The following PPIL2 variants were observed in gnomAD, a reference collection of about 807,000 sequenced individuals.
PPIL2 encodes RING-type E3 ubiquitin-protein ligase PPIL2.
A neutral mutation model predicts 75.2 loss-of-function variants in PPIL2; 50 were observed. The observed-to-expected ratio is 0.66, with a 90% CI of 0.53 to 0.84. The LOEUF is 0.84. Ranked by LOEUF, PPIL2 falls within the 40% of genes least tolerant of loss-of-function variation. The pLI is 0.00. For synonymous variants in PPIL2, 245 were observed against 258.8 expected (o/e 0.95, Z 0.51); for missense variants, 590 against 685.0 (o/e 0.86, Z 1.55).
At chr22:21,669,015 ATTT>A (rs71318713) in intron 1 of PPIL2, among the ~76,000 whole-genome samples, 170 of 137,210 alleles carry the variant, frequency 1.2e-3, no homozygotes, top group Admixed American at 1.6e-3. Flanking sequence ...CTGGCCCTCT[ATTT>A]TTTTTTTTTT....
In PPIL2 at chr22:21,688,110, G is replaced by A; in HGVS notation, c.1021+4G>A. ...GACCCCACAGGCACAGGCACGGGTA[G>A]GTACTGGTGCTGGGCCCCTCTCTGG... On this transcript the variant is annotated splice_donor_region_variant and intron_variant, in intron 14 of 19. Transcript: ENST00000398831. The A allele has an allele frequency of 6.2e-7, 1 of 1,614,204 alleles. No homozygotes were observed. Among genetic ancestry groups the A allele is most frequent in the Non-Finnish European group, 8.5e-7 (1 of 1,180,036 alleles).
chr22:21,677,500 GC>G (rs911163148), intron 6 of PPIL2, among the ~76,000 whole-genome samples: 2 of 152,238 alleles, frequency 1.3e-5, no homozygotes, highest in African/African-American at 4.8e-5. Flanking sequence ...CTGGAGACCA[GC>G]CTGGCCAACA....
In PPIL2 at chr22:21,695,462, G is replaced by A. The variant is rs370505823; in HGVS notation, c.1535G>A (p.Arg512Gln). ...TVPMSKKKPS[R>Q]GFGDFSSW ...CCCATGTCCAAGAAGAAGCCCAGTCGGGGTTTTGGGGACTTCAGCTCCTGG... is the reference window on the plus strand; with the variant it reads ...CCCATGTCCAAGAAGAAGCCCAGTCAGGGTTTTGGGGACTTCAGCTCCTGG... Residue 512 changes from arginine (R) to glutamine (Q), a missense_variant, in exon 20 of 20, where the codon CGG becomes CAG. Arg to Gln is a conservative substitution (Grantham distance 43). Transcript: ENST00000398831. 9.7e-5 allele frequency: 156 copies of A among 1,605,522 alleles called. No homozygotes were observed. The highest frequency in any genetic ancestry group is 1.2e-4 in the Non-Finnish European group (141 of 1,175,840).
chr22:21,672,288 C>T lies in PPIL2; in HGVS notation c.192-42C>T, dbSNP rs755108490. On this transcript the variant is annotated intron_variant, in intron 4 of 19. Transcript: ENST00000398831. The stretch of plus-strand genomic sequence containing the variant: ...CCACAGTGTTGTTACCAGGTGGCGC[C>T]TAAGCACCCTGGTGATGCTTTCTGT... 5 of 1,563,226 alleles carry T rather than the reference C, an allele frequency of 3.2e-6. No individual in the cohort carries two copies. The South Asian group carries it at 3.3e-5, about 10-fold the overall frequency.
In PPIL2 at chr22:21,696,783, A is replaced by C. The variant is rs1214809669; in HGVS notation, c.*1293A>C. On this transcript the variant is annotated 3_prime_UTR_variant, in exon 20 of 20. Coordinates refer to ENST00000398831, the MANE Select transcript of PPIL2 (RefSeq NM_014337.4). ...CTGTACCTCTGCCCTTCCTTTTCTC[A>C]TCAATCACTGATGCTGAAGCTGCAG... 10 of 1,547,308 alleles carry C rather than the reference A, an allele frequency of 6.5e-6. No homozygotes were observed. Among genetic ancestry groups the C allele is most frequent in the Non-Finnish European group, 8.7e-6 (10 of 1,147,176 alleles).
At chr22:21,679,748 A>G (rs2067025494) in intron 6 of PPIL2, among the ~76,000 whole-genome samples, 1 of 151,672 alleles carries the variant, frequency 6.6e-6, no homozygotes, top group African/African-American at 2.4e-5. Flanking sequence ...GCTCTAACTA[A>G]TTTGAGGCTC....
In PPIL2 at chr22:21,672,284, G is replaced by A. The variant is rs2066663814; in HGVS notation, c.192-46G>A. On this transcript the variant is annotated intron_variant, in intron 4 of 19. Transcript: ENST00000398831. The stretch of plus-strand genomic sequence containing the variant: ...AAGACCACAGTGTTGTTACCAGGTG[G>A]CGCCTAAGCACCCTGGTGATGCTTT... 6 of 1,536,778 alleles carry A rather than the reference G, an allele frequency of 3.9e-6. No homozygotes were observed. The African/African-American group carries it at 4.1e-5, about 11-fold the overall frequency.
chr22:21,673,110 A>G (rs975479736), intron 5 of PPIL2, among the ~76,000 whole-genome samples: 11 of 152,240 alleles, frequency 7.2e-5, no homozygotes, highest in African/African-American at 2.7e-4. Context: ...TTCTTGGACC[A>G]GCGACTAAAG....
Position 21,684,696 on chromosome 22 carries a change from G to A in PPIL2, c.554-57G>A, listed in dbSNP as rs1171039563. The stretch of plus-strand genomic sequence containing the variant: ...TATTCTAGATCTGTGTCCCCAGCAC[G>A]TGTGTGGGGAGGCTACTGGGGGCTC... On this transcript the variant is annotated intron_variant, in intron 9 of 19. Coordinates refer to ENST00000398831, the MANE Select transcript of PPIL2 (RefSeq NM_014337.4). 1.9e-5 allele frequency: 31 copies of A among 1,590,790 alleles called. No homozygotes were observed. In the East Asian group the frequency reaches 2.5e-4, roughly 13 times the overall value.
At chr22:21,689,797 G>A (rs2067542757) in intron 15 of PPIL2, among the ~76,000 whole-genome samples, 1 of 152,156 alleles carries the variant, frequency 6.6e-6, no homozygotes, top group Non-Finnish European at 1.5e-5. Flanking sequence ...TAGGAGGGTG[G>A]CTGACTTTTT....
chr22:21,680,617 C>A (rs1392670369), intron 6 of PPIL2, among the ~76,000 whole-genome samples: 1 of 151,816 alleles, frequency 6.6e-6, no homozygotes, highest in Non-Finnish European at 1.5e-5. Flanking sequence ...ATCATTAGGT[C>A]AGGAGATCGA....
intron 15 of PPIL2, among the ~76,000 whole-genome samples, chr22:21,690,548 C>T (rs1403378502): frequency 1.8e-4 from 28 of 152,122 alleles, no homozygotes; most frequent in Non-Finnish European, 2.9e-5. Flanking sequence ...CTTTTTTTCT[C>T]ATGCCTAATC....
Position 21,695,568 on chromosome 22 carries a change from C to T in PPIL2, c.*78C>T, listed in dbSNP as rs1239064906. 3.2e-6 allele frequency: 5 copies of T among 1,541,822 alleles called. No individual in the cohort carries two copies. The Admixed American group carries it at 8.0e-5, about 25-fold the overall frequency. ...GTCCACATCTCCATTTCCAGCCTTTCTAGCCTGCCCTCTGCTGCCAGCCAA... is the reference window on the plus strand; with the variant it reads ...GTCCACATCTCCATTTCCAGCCTTTTTAGCCTGCCCTCTGCTGCCAGCCAA... On this transcript the variant is annotated 3_prime_UTR_variant, in exon 20 of 20. Transcript: ENST00000398831.
chr22:21,669,425 A>ACTGTGCCT, intron 1 of PPIL2: 2 of 442,932 alleles, frequency 4.5e-6, no homozygotes, highest in South Asian at 3.2e-5. Flanking sequence ...TTGGGATTAT[A>ACTGTGCCT]GGTGTGAGCC....
In PPIL2 at chr22:21,696,451, T is replaced by G; in HGVS notation, c.*961T>G. ...GGGCTCCAAGACTCTGCTCCTCCTG[T>G]CAGTCACTGACTCTGATGGCCTTGG... On this transcript the variant is annotated 3_prime_UTR_variant, in exon 20 of 20. Transcript: ENST00000398831. 1 of 1,198,972 alleles carries G rather than the reference T, an allele frequency of 8.3e-7. No individual in the cohort carries two copies. The highest frequency in any genetic ancestry group is 1.0e-6 in the Non-Finnish European group (1 of 952,854). 74.3% of individuals were successfully genotyped at this position (1,198,972 alleles called of 1,614,324 possible).
chr22:21,672,845 C>T (rs543137378), intron 5 of PPIL2, among the ~76,000 whole-genome samples: 11 of 152,228 alleles, frequency 7.2e-5, no homozygotes, highest in East Asian at 1.9e-4. Context: ...TCAAACTGTG[C>T]GAGACGGAGG....
intron 2 of PPIL2, 173 bp downstream of exon 2, chr22:21,670,135 T>C: frequency 2.3e-6 from 2 of 875,960 alleles, no homozygotes; most frequent in Non-Finnish European, 3.5e-6. Flanking sequence ...AAGAACCTGC[T>C]TCATCTTAGT....
chr22:21,668,209 A>T (rs2066470121), intron 1 of PPIL2, among the ~76,000 whole-genome samples: 1 of 152,130 alleles, frequency 6.6e-6, no homozygotes. Flanking sequence ...GGCCAAGAGA[A>T]CCCCAGGAAA....
chr22:21,670,757 A>G, intron 3 of PPIL2, 146 bp downstream of exon 3: 1 of 974,508 alleles, frequency 1.0e-6, no homozygotes, highest in Non-Finnish European at 1.6e-6. Context: ...GAAGATGCAG[A>G]GTCCTCGTCA....
Sources: gnomAD v4.1 joint callset for allele counts (sites outside exome capture counted in the v4.1 genomes callset) on GRCh38, gnomAD v4.1.1 for gene constraint, MANE v1.5 for transcripts, NCBI Gene and HGNC (gene_info 2026-07-23, HGNC 2026-07-21) for gene names.